Variants in ECSIT observed in about 807,000 individuals in gnomAD.
ECSIT encodes the protein ECSIT signaling integrator.
Under a neutral mutation model 36.8 loss-of-function variants are expected in ECSIT, and 29 were observed. That is an observed-to-expected ratio of 0.79 (90% CI 0.59 to 1.08). The LOEUF (loss-of-function observed/expected upper bound fraction) is 1.08. Among genes scored for constraint, ECSIT ranks in the 50% least tolerant of loss-of-function variants. ECSIT has a pLI of 0.00. For synonymous variants in ECSIT, 231 were observed against 234.8 expected (o/e 0.98, Z 0.15); for missense variants, 542 against 581.0 (o/e 0.93, Z 0.69).
At chr19:11,512,583 A>G (rs1475441909) in intron 4 of ECSIT, among the ~76,000 whole-genome samples, 1 of 152,220 alleles carries the variant, frequency 6.6e-6, no homozygotes, top group Non-Finnish European at 1.5e-5. Context: ...AGGTCACTCA[A>G]GCTGTGCTAG....
chr19:11,520,470 C>T (rs538377896), intron 1 of ECSIT, among the ~76,000 whole-genome samples: 2 of 150,172 alleles, frequency 1.3e-5, no homozygotes, highest in Non-Finnish European at 3.0e-5. Flanking sequence ...CCGCACCTGG[C>T]CCACTGACGT....
In ECSIT at chr19:11,506,085, A is replaced by T; in HGVS notation, c.*99T>A. On this transcript the variant is annotated 3_prime_UTR_variant, in exon 8 of 8. Transcript: ENST00000270517. ...CTAGAGATGAGGGAAGAGAGCCCCA[A>T]GCAGGAAAACATTGATTTGCTGTAC... The T allele has an allele frequency of 6.6e-7, 1 of 1,521,828 alleles. No homozygotes were observed. The highest frequency in any genetic ancestry group is 1.4e-5 in the African/African-American group (1 of 72,988). 94.3% of individuals were successfully genotyped at this position (1,521,828 alleles called of 1,614,324 possible).
At position 11,529,094 on chromosome 19, in the gene ECSIT, A is replaced by T. The variant is rs1422330863; in HGVS notation, c.-56T>A. The T allele has an allele frequency of 6.6e-6, 1 of 152,356 alleles. No homozygotes were observed. The highest frequency in any genetic ancestry group is 1.5e-5 in the Non-Finnish European group (1 of 68,096). The allele number at this position is 152,356 out of a possible 1,614,324, so 9.4% of individuals were successfully genotyped here. On this transcript the variant is annotated 5_prime_UTR_variant, in exon 1 of 8. Transcript: ENST00000270517. Reference sequence around the variant, plus strand: ...CGCGGCCAGCCGCGGACTCCAGGCCAGCTCTGTCTTGTTGCTGGGCGCTGC... The same window carrying T: ...CGCGGCCAGCCGCGGACTCCAGGCCTGCTCTGTCTTGTTGCTGGGCGCTGC...
intron 2 of ECSIT, among the ~76,000 whole-genome samples, chr19:11,517,421 C>T (rs1288855031): frequency 6.6e-6 from 1 of 151,792 alleles, no homozygotes; most frequent in Non-Finnish European, 1.5e-5. Context: ...CATGGTGAAA[C>T]CCCATCTCTA....
intron 1 of ECSIT, among the ~76,000 whole-genome samples, chr19:11,526,084 C>T (rs1324031123): frequency 2.0e-5 from 3 of 151,928 alleles, no homozygotes; most frequent in Non-Finnish European, 4.4e-5. Context: ...CCTGCCTCAG[C>T]CTCCCGAGTA....
At position 11,506,397 on chromosome 19, in the gene ECSIT, C is replaced by T; in HGVS notation, c.1083G>A (p.Met361Ile). 1 of 1,613,476 alleles carries T rather than the reference C, an allele frequency of 6.2e-7. No individual in the cohort carries two copies. Among genetic ancestry groups the T allele is most frequent in the South Asian group, 1.1e-5 (1 of 91,072 alleles). The change falls in exon 8 of 8, where the codon ATG becomes ATA. Residue 361 changes from methionine to isoleucine, a missense_variant. Met to Ile is a conservative substitution (Grantham distance 10). Coordinates refer to ENST00000270517, the MANE Select transcript of ECSIT (RefSeq NM_016581.5). ...TCGTCGCCTGGTCATGAGCACCCGC[C>T]ATGCACATGGCGAAGACAGGGCCTT... ...VEEGPVFAMC[M>I]AGAHDQATMA...
chr19:11,506,880 C>T (rs1030655386), intron 7 of ECSIT, among the ~76,000 whole-genome samples: 3 of 152,164 alleles, frequency 2.0e-5, no homozygotes, highest in African/African-American at 7.2e-5. Flanking sequence ...AAGCTAGCCC[C>T]GCTGCCTAGG....
At chr19:11,515,325 G>A (rs535979967) in intron 2 of ECSIT, among the ~76,000 whole-genome samples, 53 of 151,786 alleles carry the variant, frequency 3.5e-4, no homozygotes, top group African/African-American at 9.7e-4. Context: ...GGATGGTCTC[G>A]ATCTCCTGAC....
rs745962686 is a variant in ECSIT, at chr19:11,522,232, A to G, written c.-23-3039T>C. ...TGGCTGCGCTACAAACTCCCAGAGCAGCACCCACAACATGTACCAGGAATA... is the reference window on the plus strand; with the variant it reads ...TGGCTGCGCTACAAACTCCCAGAGCGGCACCCACAACATGTACCAGGAATA... On this transcript the variant is annotated intron_variant, in intron 1 of 7. Transcript: ENST00000270517. 198 of 599,258 alleles carry G rather than the reference A, an allele frequency of 3.3e-4. 2 individuals carry two copies. Among genetic ancestry groups the G allele is most frequent in the Middle Eastern group, 9.7e-4 (2 of 2,072 alleles). The allele number at this position is 599,258 out of a possible 1,614,324, so 37.1% of individuals were successfully genotyped here.
At chr19:11,521,063 C>T (rs548565521) in intron 1 of ECSIT, among the ~76,000 whole-genome samples, 3 of 152,274 alleles carry the variant, frequency 2.0e-5, no homozygotes, top group African/African-American at 7.2e-5. Flanking sequence ...ACCTTGGCCT[C>T]CCAAATTGCT....
At chr19:11,527,730 C>T (rs1033452221) in intron 1 of ECSIT, among the ~76,000 whole-genome samples, 2 of 152,056 alleles carry the variant, frequency 1.3e-5, no homozygotes, top group African/African-American at 4.8e-5. Context: ...TGGCTCATGC[C>T]TATAATCCTA....
Position 11,506,032 on chromosome 19 carries a change from G to A in ECSIT, c.*152C>T. The A allele has an allele frequency of 8.3e-6, 11 of 1,331,398 alleles. No individual in the cohort carries two copies. The highest frequency in any genetic ancestry group is 9.2e-6 in the Non-Finnish European group (9 of 981,440). The allele number at this position is 1,331,398 out of a possible 1,614,324, so 82.5% of individuals were successfully genotyped here. On this transcript the variant is annotated 3_prime_UTR_variant, in exon 8 of 8. Coordinates refer to ENST00000270517, the MANE Select transcript of ECSIT (RefSeq NM_016581.5). ...CTCGCCTGCCCATCGCTGGCAGCCCGAGATCCTGGGGAGGGGATGCCATAC... is the reference window on the plus strand; with the variant it reads ...CTCGCCTGCCCATCGCTGGCAGCCCAAGATCCTGGGGAGGGGATGCCATAC...
rs1402956987 is a variant in ECSIT, at chr19:11,519,053, A to G, written c.96+22T>C. On this transcript the variant is annotated intron_variant, in intron 2 of 7. Coordinates refer to ENST00000270517, the MANE Select transcript of ECSIT (RefSeq NM_016581.5). The surrounding 1 kb of genome is among the most constrained non-coding windows in gnomAD (Gnocchi z 4.4). ...CCAAGCTTACCTCCCTCTACCCAAA[A>G]GACTGCCTGGCTGGTGCTTACCTGA... 6 of 1,548,012 alleles carry G rather than the reference A, an allele frequency of 3.9e-6. No homozygotes were observed. The South Asian group carries it at 6.0e-5, about 15-fold the overall frequency.
At chr19:11,520,241 G>A (rs569617909) in intron 1 of ECSIT, among the ~76,000 whole-genome samples, 31 of 151,810 alleles carry the variant, frequency 2.0e-4, no homozygotes, top group Non-Finnish European at 3.8e-4. Context: ...GTGCCATCTC[G>A]GCTCACTGCA....
chr19:11,522,563 A>AT, intron 1 of ECSIT: 2 of 651,086 alleles, frequency 3.1e-6, no homozygotes, highest in South Asian at 3.3e-5. Context: ...AAAAAAAAAA[A>AT]ATTAGCCAGT....
chr19:11,522,052 C>A, intron 1 of ECSIT: 1 of 323,634 alleles, frequency 3.1e-6, no homozygotes, highest in Non-Finnish European at 6.0e-6. Flanking sequence ...ACCCCTCTAC[C>A]ACATGCGAAT....
rs549859600 is a variant in ECSIT at position 11,526,719 on chromosome 19, CTTT to C, written c.-24+2340_-24+2342del. Among the ~76,000 whole-genome samples, 9 of 131,704 alleles carry C rather than the reference CTTT, an allele frequency of 6.8e-5. No individual in the cohort carries two copies. The South Asian group carries it at 9.8e-4, about 14-fold the overall frequency. 86.4% of individuals were successfully genotyped at this position (131,704 alleles called of 152,430 possible). A position where few individuals can be genotyped will look rare whatever the true frequency, so the allele number is the denominator to read the frequency against. The stretch of plus-strand genomic sequence containing the variant: ...TTCTCCCCACTATGGCCAGAGGGAG[CTTT>C]TTTTTTTTTTTTTTGGAGACAGAGT... On this transcript the variant is annotated intron_variant, in intron 1 of 7. Transcript: ENST00000270517.
intron 2 of ECSIT, chr19:11,516,054 G>A (rs547316066): frequency 2.0e-5 from 3 of 152,324 alleles, no homozygotes; most frequent in South Asian, 2.1e-4. Flanking sequence ...TTAAGAGATG[G>A]AGTCTAGCTA....
intron 7 of ECSIT, 122 bp from the exon 8 acceptor site, chr19:11,506,550 T>A: frequency 5.6e-6 from 7 of 1,242,786 alleles, no homozygotes; most frequent in Non-Finnish European, 7.5e-6. Flanking sequence ...TTTTTTTTTT[T>A]TTGAGACGGA....
Sources: gnomAD v4.1 joint callset for allele counts (sites outside exome capture counted in the v4.1 genomes callset) on GRCh38, gnomAD v4.1.1 for gene constraint, Gnocchi (gnomAD v3.1) non-coding constraint, MANE v1.5 for transcripts, NCBI Gene and HGNC (gene_info 2026-07-23, HGNC 2026-07-21) for gene names.